PTPRD: variants seen among roughly 807,000 people sequenced by gnomAD.
PTPRD encodes the protein receptor-type tyrosine-protein phosphatase delta.
PTPRD carries 34 observed loss-of-function variants against 214.5 expected under a neutral mutation model. That is an observed-to-expected ratio of 0.16 (90% CI 0.12 to 0.21). The LOEUF (loss-of-function observed/expected upper bound fraction) is 0.21. PTPRD is among the 10% of genes least tolerant of loss of function. The pLI, the probability that PTPRD is intolerant of heterozygous loss-of-function variation, is 1.00. For synonymous variants in PTPRD, 1,128 were observed against 845.7 expected, an observed-to-expected ratio of 1.33 and a Z score of -5.79; for missense variants, 2,545 against 2,398.7, an observed-to-expected ratio of 1.06 and a Z score of -1.27.
At chr9:8,894,668 C>T (rs931773556) in intron 11 of PTPRD, among the ~76,000 whole-genome samples, 2 of 152,102 alleles carry the variant, frequency 1.3e-5, no homozygotes, top group Non-Finnish European at 2.9e-5. Context: ...ATTTAGTAAA[C>T]TGAACGTATG....
intron 5 of PTPRD, among the ~76,000 whole-genome samples, chr9:9,912,663 G>C (rs1462103313): frequency 1.3e-5 from 2 of 152,282 alleles, no homozygotes; most frequent in African/African-American, 4.8e-5. Flanking sequence ...AGAGAGAAAT[G>C]AATAGCCAGT....
intron 3 of PTPRD, among the ~76,000 whole-genome samples, chr9:10,101,334 G>C (rs1352862211): frequency 1.3e-5 from 2 of 151,680 alleles, no homozygotes; most frequent in Admixed American, 1.3e-4. Flanking sequence ...AATGCAAAAA[G>C]TCACCCAATT....
intron 20 of PTPRD, among the ~76,000 whole-genome samples, chr9:8,520,315 T>C (rs1021210321): frequency 1.7e-4 from 26 of 152,292 alleles, no homozygotes; most frequent in African/African-American, 6.0e-4. Flanking sequence ...TTTGTTCTCA[T>C]GTCATTAGTT....
chr9:9,258,674 A>T (rs2099978819), intron 9 of PTPRD, among the ~76,000 whole-genome samples: 1 of 151,874 alleles, frequency 6.6e-6, no homozygotes, highest in Admixed American at 6.6e-5. Flanking sequence ...AACTAAGACT[A>T]TACAATGGTG....
intron 10 of PTPRD, among the ~76,000 whole-genome samples, chr9:9,124,130 C>A (rs890479748): frequency 1.1e-4 from 16 of 152,088 alleles, no homozygotes; most frequent in Non-Finnish European, 2.9e-5. Context: ...TGTAAGGAAA[C>A]AAGAACATCA....
chr9:9,020,844 G>A (rs1465689705), intron 10 of PTPRD, among the ~76,000 whole-genome samples: 1 of 152,144 alleles, frequency 6.6e-6, no homozygotes, highest in Non-Finnish European at 1.5e-5. Flanking sequence ...AGCACCCAGA[G>A]TCAAGGTGCT....
intron 2 of PTPRD, among the ~76,000 whole-genome samples, chr9:10,363,117 G>A (rs2097427943): frequency 6.6e-6 from 1 of 152,120 alleles, no homozygotes; most frequent in Non-Finnish European, 1.5e-5. Flanking sequence ...CTAATCTCTA[G>A]ATTTTCTGAT....
At chr9:8,590,432 T>A (rs2094011011) in intron 14 of PTPRD, among the ~76,000 whole-genome samples, 1 of 152,092 alleles carries the variant, frequency 6.6e-6, no homozygotes, top group African/African-American at 2.4e-5. Context: ...AGAGGGTGGG[T>A]AGAAAGTTGC....
intron 8 of PTPRD, among the ~76,000 whole-genome samples, chr9:9,421,635 T>C (rs2078839285): frequency 1.3e-5 from 2 of 152,148 alleles, no homozygotes; most frequent in South Asian, 4.1e-4. Flanking sequence ...TCTATTTTAA[T>C]AGAGGTTTGT....
intron 2 of PTPRD, among the ~76,000 whole-genome samples, chr9:10,466,745 A>C (rs899758579): frequency 8.5e-5 from 13 of 152,198 alleles, no homozygotes; most frequent in Non-Finnish European, 1.8e-4. Context: ...AACTTCACAT[A>C]AAGTTTAAAA....
At chr9:8,335,121 A>G (rs1258098860) in intron 43 of PTPRD, among the ~76,000 whole-genome samples, 4 of 147,018 alleles carry the variant, frequency 2.7e-5, no homozygotes, top group Non-Finnish European at 4.6e-5. Context: ...CAATACAAAA[A>G]GAGGGACTCC....
chr9:10,286,970 A>G (rs752075092), intron 3 of PTPRD, among the ~76,000 whole-genome samples: 17 of 152,168 alleles, frequency 1.1e-4, no homozygotes, highest in Admixed American at 2.6e-4. Context: ...TAGAGAAACT[A>G]GAATGTAAGG....
At position 9,968,726 on chromosome 9, in the gene PTPRD, G is replaced by A. The variant is rs556755640; in HGVS notation, c.-471-30116C>T. Among the ~76,000 whole-genome samples, 26 of 152,054 alleles carry A rather than the reference G, an allele frequency of 1.7e-4. No homozygotes were observed. In the East Asian group the frequency reaches 5.0e-3, roughly 29 times the overall value. ...ACTCCTACAAAAAAGCTAGGTCACA[G>A]AAACAACAACAACAACAAAAACCAA... On this transcript the variant is annotated intron_variant, in intron 4 of 45. Coordinates refer to ENST00000381196, the MANE Select transcript of PTPRD (RefSeq NM_002839.4).
intron 14 of PTPRD, among the ~76,000 whole-genome samples, chr9:8,584,920 G>C (rs1490279574): frequency 5.9e-5 from 9 of 152,114 alleles, no homozygotes; most frequent in Non-Finnish European, 1.2e-4. Context: ...GGCGGGAAAA[G>C]TCCCTTATAA....
chr9:10,287,105 G>A (rs970509604), intron 3 of PTPRD, among the ~76,000 whole-genome samples: 2 of 152,180 alleles, frequency 1.3e-5, no homozygotes, highest in Non-Finnish European at 2.9e-5. Context: ...TAACTTACTG[G>A]TGAAGCCAAG....
Position 9,028,833 on chromosome 9 carries a change from G to C in PTPRD, c.-142-10098C>G, listed in dbSNP as rs540726836. 3.2e-4 allele frequency among the ~76,000 whole-genome samples: 48 copies of C among 152,006 alleles called. 1 individual carries two copies. The East Asian group carries it at 7.2e-3, about 23-fold the overall frequency. On this transcript the variant is annotated intron_variant, in intron 10 of 45. Coordinates refer to ENST00000381196, the MANE Select transcript of PTPRD (RefSeq NM_002839.4). The stretch of plus-strand genomic sequence containing the variant: ...TGACTGGGGAAGTTTGCCCAGGCGA[G>C]TTAGAATTTAAGTGAGAGAGCCTTA...
chr9:8,685,008 G>C (rs556665018), intron 12 of PTPRD, among the ~76,000 whole-genome samples: 260 of 152,116 alleles, frequency 1.7e-3, no homozygotes, highest in African/African-American at 6.0e-3. Flanking sequence ...TGCTCTTCTG[G>C]GGATGGGCTG....
At chr9:10,458,243 A>G (rs1020295221) in intron 2 of PTPRD, among the ~76,000 whole-genome samples, 1 of 152,166 alleles carries the variant, frequency 6.6e-6, no homozygotes, top group Non-Finnish European at 1.5e-5. Flanking sequence ...TATCCCAAGG[A>G]AAGAAAACTA....
chr9:9,712,664 T>C (rs756183496), intron 7 of PTPRD, among the ~76,000 whole-genome samples: 4 of 152,172 alleles, frequency 2.6e-5, no homozygotes, highest in Non-Finnish European at 2.9e-5. Flanking sequence ...GAAACTACAA[T>C]GGATTATAAT....
Sources: gnomAD v4.1 joint callset for allele counts (sites outside exome capture counted in the v4.1 genomes callset) on GRCh38, gnomAD v4.1.1 for gene constraint, MANE v1.5 for transcripts, NCBI Gene and HGNC (gene_info 2026-07-23, HGNC 2026-07-21) for gene names.